Variants in ZNF883 observed in about 807,000 individuals in gnomAD.
The protein encoded by ZNF883 is zinc finger protein 883.
intron 2 of ZNF883, among the ~76,000 whole-genome samples, chr9:113,006,884 C>G (rs1310098221): frequency 7.7e-6 from 1 of 130,304 alleles, no homozygotes; most frequent in African/African-American, 3.1e-5. Context: ...TGAGCAAAGA[C>G]TATGGTAATT....
downstream of ZNF883, among the ~76,000 whole-genome samples, chr9:112,996,758 T>C (rs1324972420): frequency 1.8e-5 from 2 of 111,602 alleles, no homozygotes; most frequent in African/African-American, 3.5e-5. Flanking sequence ...GCCACTGCAC[T>C]CCAGCCTGGG....
At chr9:112,994,998 T>G (rs570078977), downstream of ZNF883, among the ~76,000 whole-genome samples, 1 of 152,254 alleles carries the variant, frequency 6.6e-6, no homozygotes, top group Non-Finnish European at 1.5e-5. Context: ...TGTAGGTTTA[T>G]AGTAAATAGC....
intron 2 of ZNF883, among the ~76,000 whole-genome samples, chr9:113,010,558 C>T (rs1040957554): frequency 2.6e-5 from 4 of 152,102 alleles, no homozygotes; most frequent in Admixed American, 2.6e-4. Context: ...AGTTTAAGTG[C>T]TCTCACCACA....
downstream of ZNF883, among the ~76,000 whole-genome samples, chr9:112,994,326 A>G (rs116640934): frequency 4.6e-3 from 673 of 146,344 alleles, 9 homozygotes; most frequent in South Asian, 0.031. Context: ...CTCACTCTCC[A>G]TGCTTTTCCT....
rs142288494 is a variant in ZNF883 at position 112,989,431 on chromosome 9, C to T, written n.310-5852G>A. 2.2e-3 allele frequency among the ~76,000 whole-genome samples: 335 copies of T among 152,096 alleles called. 2 individuals carry two copies. The highest frequency in any genetic ancestry group is 3.4e-3 in the Admixed American group (52 of 15,254). ...AGGTTTGTTGAAGGTCAGATGGTTC[C>T]AGATGTGTGGTCTTATTTCTGAGAT... is the stretch of plus-strand genomic sequence containing the variant. On this transcript the variant is annotated intron_variant and non_coding_transcript_variant, in intron 1 of 9. Transcript: ENST00000638823.
exon 1 of ZNF883, chr9:112,998,137 A>G (rs754097692): frequency 1.1e-5 from 18 of 1,613,850 alleles, no homozygotes; most frequent in Non-Finnish European, 1.5e-5. Flanking sequence ...TTTTACATTC[A>G]TAAGGTTTTT....
intron 2 of ZNF883, among the ~76,000 whole-genome samples, chr9:113,006,491 T>A (rs543209633): frequency 4.9e-4 from 74 of 152,320 alleles, no homozygotes; most frequent in African/African-American, 1.7e-3. Context: ...CTTTACTCTG[T>A]CGGCTTGCTC....
upstream of ZNF883, among the ~76,000 whole-genome samples, chr9:113,000,691 AAGAG>A (rs1214455471): frequency 6.6e-6 from 1 of 152,266 alleles, no homozygotes; most frequent in Middle Eastern, 3.4e-3. Context: ...ATGATAAAGA[AAGAG>A]AGGCTACCCA....
chr9:113,007,581 A>G (rs1828490821), intron 2 of ZNF883, among the ~76,000 whole-genome samples: 1 of 152,236 alleles, frequency 6.6e-6, no homozygotes, highest in African/African-American at 2.4e-5. Flanking sequence ...CCCTCAGGCC[A>G]TCCAACTGTA....
chr9:112,994,527 T>G (rs1828330424), downstream of ZNF883, among the ~76,000 whole-genome samples: 1 of 152,086 alleles, frequency 6.6e-6, no homozygotes. Flanking sequence ...GTGATTCAAT[T>G]AAATTTACAA....
At chr9:113,001,804 C>T (rs763702431), upstream of ZNF883, among the ~76,000 whole-genome samples, 14 of 152,178 alleles carry the variant, frequency 9.2e-5, no homozygotes, top group South Asian at 4.2e-4. Flanking sequence ...AGGAATTCTG[C>T]GATAGAGAAA....
chr9:112,996,442 G>A (rs1828354629), downstream of ZNF883, among the ~76,000 whole-genome samples: 1 of 152,088 alleles, frequency 6.6e-6, no homozygotes, highest in African/African-American at 2.4e-5. Flanking sequence ...AAACAAAAAA[G>A]GGATTATATA....
chr9:113,004,910 T>G (rs929596403), intron 2 of ZNF883, among the ~76,000 whole-genome samples: 3 of 151,626 alleles, frequency 2.0e-5, no homozygotes, highest in Non-Finnish European at 2.9e-5. Context: ...GGCCCTTTAT[T>G]TTGTGGGGAT....
At chr9:113,010,600 T>A (rs1828523752) in intron 2 of ZNF883, among the ~76,000 whole-genome samples, 2 of 152,216 alleles carry the variant, frequency 1.3e-5, no homozygotes, top group African/African-American at 4.8e-5. Flanking sequence ...TGATGCATGT[T>A]CATTAGCTTG....
At chr9:112,993,205 A>C (rs1327624761), downstream of ZNF883, among the ~76,000 whole-genome samples, 1 of 152,106 alleles carries the variant, frequency 6.6e-6, no homozygotes, top group East Asian at 1.9e-4. Flanking sequence ...TTCTCATTTC[A>C]TGAGTTTATC....
At chr9:112,993,012 A>C (rs947615850), downstream of ZNF883, among the ~76,000 whole-genome samples, 3 of 152,194 alleles carry the variant, frequency 2.0e-5, no homozygotes, top group African/African-American at 7.2e-5. Context: ...GGATTAGAAC[A>C]TGCTCCTTTA....
exon 1 of ZNF883, chr9:112,997,612 T>G: frequency 6.2e-7 from 1 of 1,614,042 alleles, no homozygotes; most frequent in East Asian, 2.2e-5. Flanking sequence ...GGCTGAAAGC[T>G]TTCCCACATT....
intron 2 of ZNF883, among the ~76,000 whole-genome samples, chr9:113,010,163 G>A (rs1314930576): frequency 6.6e-6 from 1 of 152,146 alleles, no homozygotes; most frequent in Non-Finnish European, 1.5e-5. Flanking sequence ...GGTGCTCAAT[G>A]AATATTTATT....
At chr9:112,994,847 T>C (rs1248247040), downstream of ZNF883, among the ~76,000 whole-genome samples, 3 of 152,186 alleles carry the variant, frequency 2.0e-5, no homozygotes, top group Non-Finnish European at 4.4e-5. Flanking sequence ...TTCTCTTCCT[T>C]TAAATTATTG....
Sources: gnomAD v4.1 joint callset for allele counts (sites outside exome capture counted in the v4.1 genomes callset) on GRCh38, gnomAD v4.1.1 for gene constraint, MANE v1.5 for transcripts, NCBI Gene and HGNC (gene_info 2026-07-23, HGNC 2026-07-21) for gene names.